BACE1: variants seen among roughly 807,000 people sequenced by gnomAD.
BACE1 encodes the protein beta-secretase 1.
Under a neutral mutation model 54.0 loss-of-function variants are expected in BACE1, and 21 were observed. The ratio of observed to expected loss-of-function variants is 0.39; its 90% CI spans 0.28 to 0.56. BACE1 has a LOEUF of 0.56. Among genes scored for constraint, BACE1 ranks in the 20% least tolerant of loss-of-function variants. The pLI is 0.63. For missense variants in BACE1, 511 were observed against 661.2 expected (o/e 0.77, Z 2.49); for synonymous variants, 232 against 260.9 (o/e 0.89, Z 1.07).
At chr11:117,299,540 A>G in intron 1 of BACE1, 1 of 294,930 alleles carries the variant, frequency 3.4e-6, no homozygotes, top group South Asian at 2.6e-5. Flanking sequence ...CACATCCCCA[A>G]AGACTCCTCT....
In BACE1 at chr11:117,291,058, G is replaced by A; in HGVS notation, c.943-9C>T. ...TCAGGGAACTTCTCCGTCTGTGTTG[G>A]CAAGAAGGGGATAACAATGAGGAAA... is the stretch of plus-strand genomic sequence containing the variant. On this transcript the variant is annotated splice_polypyrimidine_tract_variant and intron_variant, in intron 6 of 8. Coordinates refer to ENST00000313005, the MANE Select transcript of BACE1 (RefSeq NM_012104.6). 6.2e-7 allele frequency: 1 copy of A among 1,613,678 alleles called. No individual in the cohort carries two copies. Among genetic ancestry groups the A allele is most frequent in the African/African-American group, 1.3e-5 (1 of 75,030 alleles).
In BACE1 at chr11:117,293,285, C is replaced by G; in HGVS notation, c.706-97G>C. The G allele has an allele frequency of 7.4e-7, 1 of 1,351,630 alleles. No individual in the cohort carries two copies. Among genetic ancestry groups the G allele is most frequent in the Non-Finnish European group, 1.0e-6 (1 of 980,838 alleles). 83.7% of individuals were successfully genotyped at this position (1,351,630 alleles called of 1,614,324 possible). ...TAAGATCAGTGATTTCTTGGGGTGG[C>G]AAGGTCTTCTACAGGCTACCCTTTT... On this transcript the variant is annotated intron_variant, in intron 4 of 8. Transcript: ENST00000313005. The surrounding 1 kb of genome is among the most constrained non-coding windows in gnomAD (Gnocchi z 4.1).
Position 117,293,849 on chromosome 11 carries a change from C to T in BACE1, c.705+22G>A, listed in dbSNP as rs1006864991. 6.2e-7 allele frequency: 1 copy of T among 1,600,232 alleles called. No individual in the cohort carries two copies. Among genetic ancestry groups the T allele is most frequent in the Non-Finnish European group, 8.5e-7 (1 of 1,173,422 alleles). On this transcript the variant is annotated intron_variant, in intron 4 of 8. Transcript: ENST00000313005. The surrounding 1 kb of genome is among the most constrained non-coding windows in gnomAD (Gnocchi z 4.1). ...ATCTCTCCCTCAATGCCAGGACCTCCCCTCTCTGAGGACCTACTCACCATG... is the reference window on the plus strand; with the variant it reads ...ATCTCTCCCTCAATGCCAGGACCTCTCCTCTCTGAGGACCTACTCACCATG...
At chr11:117,307,103 G>A (rs2034847884) in intron 1 of BACE1, among the ~76,000 whole-genome samples, 1 of 152,108 alleles carries the variant, frequency 6.6e-6, no homozygotes, top group Non-Finnish European at 1.5e-5. Flanking sequence ...GAAACACCTG[G>A]CTATAGTACC....
chr11:117,307,724 T>C (rs1044671341), intron 1 of BACE1, among the ~76,000 whole-genome samples: 16 of 152,152 alleles, frequency 1.1e-4, no homozygotes, highest in Non-Finnish European at 2.2e-4. Flanking sequence ...TCTTTCTCAA[T>C]GCCCCCTCAC....
At chr11:117,310,482 G>A (rs568182917) in intron 1 of BACE1, among the ~76,000 whole-genome samples, 1 of 152,330 alleles carries the variant, frequency 6.6e-6, no homozygotes, top group African/African-American at 2.4e-5. Context: ...GTGCAGTGGT[G>A]CAATCTCAGC....
chr11:117,289,924 T>C (rs1371465492), intron 8 of BACE1, 117 bp from the exon 9 acceptor site: 14 of 887,966 alleles, frequency 1.6e-5, no homozygotes, highest in Middle Eastern at 5.2e-4. Context: ...CTAATCTCCT[T>C]CCCAGGAGAT....
Position 117,293,929 on chromosome 11 carries a change from C to T in BACE1, c.647G>A (p.Cys216Tyr). ...HVPNLFSLQLCGAGFPLNQSE... is the reference protein window; with the variant it reads ...HVPNLFSLQLYGAGFPLNQSE... ...CTGGTTGAGGGGGAAGCCAGCACCACAAAGCTGCAGGGAGAAGAGGTTGGG... is the reference window on the plus strand; with the variant it reads ...CTGGTTGAGGGGGAAGCCAGCACCATAAAGCTGCAGGGAGAAGAGGTTGGG... The change falls in exon 4 of 9, where the codon TGT becomes TAT. Residue 216 changes from cysteine (C) to tyrosine (Y), a missense_variant. This residue lies in a region of BACE1 where 407 missense variants were observed against 565.7 expected (regional missense o/e 0.72). Coordinates refer to ENST00000313005, the MANE Select transcript of BACE1 (RefSeq NM_012104.6). The surrounding 1 kb of genome is among the most constrained non-coding windows in gnomAD (Gnocchi z 4.1). 6.2e-7 allele frequency: 1 copy of T among 1,614,002 alleles called. No individual in the cohort carries two copies. The highest frequency in any genetic ancestry group is 8.5e-7 in the Non-Finnish European group (1 of 1,179,984).
Position 117,293,748 on chromosome 11 carries a change from A to T in BACE1, c.705+123T>A. 1 of 1,036,280 alleles carries T rather than the reference A, an allele frequency of 9.6e-7. No individual in the cohort carries two copies. The allele number at this position is 1,036,280 out of a possible 1,614,324, so 64.2% of individuals were successfully genotyped here. A position where few individuals can be genotyped will look rare whatever the true frequency, so the allele number is the denominator to read the frequency against. Reference sequence around the variant, plus strand: ...AAATAAAGTAAGGGTAGGGAATATAAAGAGGTTCCTCCTGATTCTAAGTAT... The same window carrying T: ...AAATAAAGTAAGGGTAGGGAATATATAGAGGTTCCTCCTGATTCTAAGTAT... On this transcript the variant is annotated intron_variant, in intron 4 of 8. Transcript: ENST00000313005. This position sits in a 1 kb window ranked among gnomAD's most constrained non-coding sequence, Gnocchi z 4.1.
intron 1 of BACE1, among the ~76,000 whole-genome samples, chr11:117,308,822 G>A (rs2034888233): frequency 1.3e-5 from 2 of 151,728 alleles, no homozygotes; most frequent in African/African-American, 4.8e-5. Context: ...GGGTGGTGGC[G>A]GGCACCTGTA....
intron 1 of BACE1, among the ~76,000 whole-genome samples, chr11:117,305,892 C>A (rs1327920629): frequency 5.3e-5 from 8 of 151,926 alleles, no homozygotes; most frequent in Non-Finnish European, 8.8e-5. Context: ...AAAAATTAGC[C>A]GGGCGTGATG....
At chr11:117,301,808 A>G (rs1172424538) in intron 1 of BACE1, among the ~76,000 whole-genome samples, 2 of 152,142 alleles carry the variant, frequency 1.3e-5, no homozygotes, top group Admixed American at 6.5e-5. Flanking sequence ...GTCCTGTCCA[A>G]TTAAGCTCCT....
intron 2 of BACE1, 74 bp downstream of exon 2, chr11:117,296,799 T>C: frequency 8.5e-7 from 1 of 1,175,380 alleles, no homozygotes; most frequent in South Asian, 1.4e-5. Flanking sequence ...TTTCTCTCTG[T>C]ACCCCTCCCC....
rs1014076593 is a variant in BACE1, at chr11:117,289,365, C to T, written c.*201G>A. 3.7e-6 allele frequency: 3 copies of T among 809,078 alleles called. No homozygotes were observed. Among genetic ancestry groups the T allele is most frequent in the African/African-American group, 1.7e-5 (1 of 57,988 alleles). The allele number at this position is 809,078 out of a possible 1,614,324, so 50.1% of individuals were successfully genotyped here. A position where few individuals can be genotyped will look rare whatever the true frequency, so the allele number is the denominator to read the frequency against. On this transcript the variant is annotated 3_prime_UTR_variant, in exon 9 of 9. Transcript: ENST00000313005. ...CGCCAGCAGAGTGCTTCTTTCTTCT[C>T]TTTTCTGTTTCCTACAGGTACAGTC... is the stretch of plus-strand genomic sequence containing the variant.
At chr11:117,305,842 T>C (rs1034776985) in intron 1 of BACE1, among the ~76,000 whole-genome samples, 13 of 152,062 alleles carry the variant, frequency 8.5e-5, no homozygotes, top group African/African-American at 2.4e-5. Context: ...GAGACCATCC[T>C]GGCTAACACG....
At position 117,296,955 on chromosome 11, in the gene BACE1, T is replaced by G. The variant is rs1833190984; in HGVS notation, c.268A>C (p.Ile90Leu). Residue 90 changes from isoleucine to leucine, a missense_variant, in exon 2 of 9, where the codon ATC becomes CTC. Transcript: ENST00000313005. ...TVGSPPQTLN[I>L]LVDTGSSNFA... Reference sequence around the variant, plus strand: ...TTACTGCTGCCTGTATCCACCAGGATGTTGAGCTGTCAGAGAAAGGGGAGA... The same window carrying G: ...TTACTGCTGCCTGTATCCACCAGGAGGTTGAGCTGTCAGAGAAAGGGGAGA... 3.1e-6 allele frequency: 5 copies of G among 1,613,636 alleles called. No individual in the cohort carries two copies. Among genetic ancestry groups the G allele is most frequent in the Non-Finnish European group, 4.2e-6 (5 of 1,179,734 alleles).
Position 117,289,651 on chromosome 11 carries a change from C to T in BACE1, c.1421G>A (p.Cys474Tyr). Residue 474 changes from cysteine (C) to tyrosine (Y), a missense_variant, in exon 9 of 9, where the codon TGC becomes TAC. This residue lies in a region of BACE1 where 407 missense variants were observed against 565.7 expected (regional missense o/e 0.72). Coordinates refer to ENST00000313005, the MANE Select transcript of BACE1 (RefSeq NM_012104.6). ...AICALFMLPL[C>Y]LMVCQWRCLR... The stretch of plus-strand genomic sequence containing the variant: ...GCAGCGCCACTGACACACCATGAGG[C>T]AGAGTGGCAGCATGAAGAGGGCGCA... 1 of 1,614,186 alleles carries T rather than the reference C, an allele frequency of 6.2e-7. No homozygotes were observed. The highest frequency in any genetic ancestry group is 8.5e-7 in the Non-Finnish European group (1 of 1,180,040).
intron 1 of BACE1, among the ~76,000 whole-genome samples, chr11:117,313,318 C>A (rs150389060): frequency 1.1e-3 from 164 of 152,266 alleles, no homozygotes; most frequent in African/African-American, 3.8e-3. Context: ...TAGAAAGGAA[C>A]GAGGAAGGAA....
chr11:117,294,649 C>T (rs1225024092), intron 3 of BACE1, among the ~76,000 whole-genome samples: 2 of 151,520 alleles, frequency 1.3e-5, no homozygotes, highest in Admixed American at 6.6e-5. Flanking sequence ...TTAGGAAGGC[C>T]GAGGTGAGCG....
Sources: gnomAD v4.1 joint callset for allele counts (sites outside exome capture counted in the v4.1 genomes callset) on GRCh38, gnomAD v4.1.1 for gene constraint, gnomAD v4.1.1 regional missense constraint, Gnocchi (gnomAD v3.1) non-coding constraint, MANE v1.5 for transcripts, NCBI Gene and HGNC (gene_info 2026-07-23, HGNC 2026-07-21) for gene names.